The following KCNQ1 variants were observed in gnomAD, a reference collection of about 807,000 sequenced individuals.
The protein encoded by KCNQ1 is potassium voltage-gated channel subfamily KQT member 1.
A neutral mutation model predicts 72.4 loss-of-function variants in KCNQ1; 49 were observed. The observed-to-expected ratio is 0.68, with a 90% CI of 0.54 to 0.86. The LOEUF is 0.86. Among genes scored for constraint, KCNQ1 ranks in the 40% least tolerant of loss-of-function variants. The pLI, the probability that KCNQ1 is intolerant of heterozygous loss-of-function variation, is 0.00. For synonymous variants in KCNQ1, 450 were observed against 412.6 expected (o/e 1.09, Z -1.10); for missense variants, 790 against 945.1 (o/e 0.84, Z 2.15).
At position 2,777,218 on chromosome 11, in the gene KCNQ1, A is replaced by G. The variant is rs163148; in HGVS notation, c.1732+186A>G. Reference sequence around the variant, plus strand: ...CCTTAGCAAAGTGGCTCCAAAGTACATTTTACAAAGGAATATTCAGGTTTC... The same window carrying G: ...CCTTAGCAAAGTGGCTCCAAAGTACGTTTTACAAAGGAATATTCAGGTTTC... On this transcript the variant is annotated intron_variant, in intron 14 of 15. Transcript: ENST00000155840. Among the ~76,000 whole-genome samples, 152,007 of 152,312 alleles carry G rather than the reference A, an allele frequency of 1. 75,852 individuals carry two copies. Among genetic ancestry groups the G allele is most frequent in the Middle Eastern group, 1 (294 of 294 alleles).
chr11:2,663,661 T>C lies in KCNQ1; in HGVS notation c.1514+1580T>C. ...AAGTCCTACTGGGAGGAGAGGGCCA[T>C]CACCCACAGTCCATCTAGCTGGGCA... On this transcript the variant is annotated intron_variant, in intron 11 of 15. Transcript: ENST00000155840. The surrounding 1 kb of genome is among the most constrained non-coding windows in gnomAD (Gnocchi z 5.2). The C allele has an allele frequency of 2.5e-6, 1 of 398,670 alleles. No individual in the cohort carries two copies. Among genetic ancestry groups the C allele is most frequent in the African/African-American group, 2.1e-5 (1 of 48,758 alleles). 24.7% of individuals were successfully genotyped at this position (398,670 alleles called of 1,614,324 possible).
intron 11 of KCNQ1, chr11:2,666,672 C>G (rs1850074957): frequency 5.0e-6 from 2 of 398,582 alleles, no homozygotes; most frequent in East Asian, 3.6e-5. Flanking sequence ...TTTGATGGGA[C>G]CAGCTTGGCC....
rs1846464130 is a variant in KCNQ1 at position 2,471,700 on chromosome 11, GTA to G, written c.386+26219_386+26220del. Among the ~76,000 whole-genome samples, 1 of 151,754 alleles carries G rather than the reference GTA, an allele frequency of 6.6e-6. No homozygotes were observed. Among genetic ancestry groups the G allele is most frequent in the East Asian group, 1.9e-4 (1 of 5,154 alleles). ...CACATGTGTATGGGTGTGCATGTGT[GTA>G]TAGGTGTGTGTATGTGTGCATGGGC... On this transcript the variant is annotated intron_variant, in intron 1 of 15. Transcript: ENST00000155840. The surrounding 1 kb of genome is among the most constrained non-coding windows in gnomAD (Gnocchi z 4.8).
In KCNQ1 at chr11:2,803,175, C is replaced by T. The variant is rs976466827; in HGVS notation, c.1794+25138C>T. Among the ~76,000 whole-genome samples, 51 of 152,172 alleles carry T rather than the reference C, an allele frequency of 3.4e-4. No individual in the cohort carries two copies. The highest frequency in any genetic ancestry group is 1.2e-3 in the African/African-American group (51 of 41,490). On this transcript the variant is annotated intron_variant, in intron 15 of 15. Transcript: ENST00000155840. The surrounding 1 kb of genome is among the most constrained non-coding windows in gnomAD (Gnocchi z 6.4). ...CCGGGCCCCCCCCCCCACGGGCACC[C>T]AGGAACCGCCCTGGCTTTGCTGGAG... is the stretch of plus-strand genomic sequence containing the variant.
At chr11:2,731,517 C>A (rs1315301835) in intron 11 of KCNQ1, among the ~76,000 whole-genome samples, 1 of 152,256 alleles carries the variant, frequency 6.6e-6, no homozygotes, top group East Asian at 1.9e-4. Flanking sequence ...TCTCTCGGGA[C>A]AGGAGGTGCG....
At chr11:2,524,145 G>T (rs1847451673) in intron 1 of KCNQ1, among the ~76,000 whole-genome samples, 1 of 152,158 alleles carries the variant, frequency 6.6e-6, no homozygotes, top group Admixed American at 6.5e-5. Flanking sequence ...AGAGAAGCAG[G>T]AGGATCTGAG....
rs1168483852 is a variant in KCNQ1 at position 2,703,263 on chromosome 11, C to G, written c.1514+41182C>G. Among the ~76,000 whole-genome samples, 1 of 152,146 alleles carries G rather than the reference C, an allele frequency of 6.6e-6. No homozygotes were observed. The highest frequency in any genetic ancestry group is 1.5e-5 in the Non-Finnish European group (1 of 68,030). ...GAAATTTGGCGCCTGCACCTTGTCA[C>G]CTTCTTGGGACTCAAGGCTGCAGGG... On this transcript the variant is annotated intron_variant, in intron 11 of 15. Coordinates refer to ENST00000155840, the MANE Select transcript of KCNQ1 (RefSeq NM_000218.3). This position sits in a 1 kb window ranked among gnomAD's most constrained non-coding sequence, Gnocchi z 6.4.
intron 15 of KCNQ1, among the ~76,000 whole-genome samples, chr11:2,779,377 A>G (rs1413873614): frequency 6.6e-6 from 1 of 152,146 alleles, no homozygotes; most frequent in African/African-American, 2.4e-5. Context: ...TGTTGTTGGC[A>G]TGGCCAGGAG....
rs1486396168 is a variant in KCNQ1, at chr11:2,579,899, G to A, written c.922-3536G>A. ...GGTCTCGGGTGTCCTTACGCGAGCA[G>A]GTGGCTACCTCACCTGCTCACCTGA... is the stretch of plus-strand genomic sequence containing the variant. On this transcript the variant is annotated intron_variant, in intron 6 of 15. Coordinates refer to ENST00000155840, the MANE Select transcript of KCNQ1 (RefSeq NM_000218.3). This position sits in a 1 kb window ranked among gnomAD's most constrained non-coding sequence, Gnocchi z 6.0. Among the ~76,000 whole-genome samples the A allele has an allele frequency of 1.3e-5, 2 of 152,168 alleles. No individual in the cohort carries two copies. Among genetic ancestry groups the A allele is most frequent in the East Asian group, 3.9e-4 (2 of 5,180 alleles).
At position 2,766,226 on chromosome 11, in the gene KCNQ1, G is replaced by A. The variant is rs975967585; in HGVS notation, c.1515-2618G>A. On this transcript the variant is annotated intron_variant, in intron 11 of 15. Transcript: ENST00000155840. The surrounding 1 kb of genome is among the most constrained non-coding windows in gnomAD (Gnocchi z 4.4). ...CTTCATCTAAATATTCTGAAGCAAA[G>A]CACAATCATCTGTTAGCTCACAAAT... 6.6e-6 allele frequency among the ~76,000 whole-genome samples: 1 copy of A among 152,178 alleles called. No homozygotes were observed. Among genetic ancestry groups the A allele is most frequent in the Admixed American group, 6.5e-5 (1 of 15,276 alleles).
In KCNQ1 at chr11:2,808,313, G is replaced by A. The variant is rs538845009; in HGVS notation, c.1794+30276G>A. 3.0e-4 allele frequency among the ~76,000 whole-genome samples: 46 copies of A among 152,322 alleles called. No homozygotes were observed. The highest frequency in any genetic ancestry group is 1.1e-3 in the African/African-American group (44 of 41,574). On this transcript the variant is annotated intron_variant, in intron 15 of 15. Coordinates refer to ENST00000155840, the MANE Select transcript of KCNQ1 (RefSeq NM_000218.3). This position sits in a 1 kb window ranked among gnomAD's most constrained non-coding sequence, Gnocchi z 6.0. The stretch of plus-strand genomic sequence containing the variant: ...GTGTTACGGGGATGGGCTAGAACTC[G>A]GTCCTGGCATCACAGAGCTACCCCG...
In KCNQ1 at chr11:2,570,718, C is replaced by T. The variant is rs199473662; in HGVS notation, c.568C>T (p.Arg190Trp). ...CRSKYVGLWG[R>W]LRFARKPISI... ...CAGCAAGTACGTGGGCCTCTGGGGG[C>T]GGCTGCGCTTTGCCCGGAAGCCCAT... The change falls in exon 3 of 16, where the codon CGG becomes TGG. Residue 190 changes from arginine to tryptophan, a missense_variant. Arg to Trp is a moderately radical substitution (Grantham distance 101). Transcript: ENST00000155840. 6.2e-6 allele frequency: 10 copies of T among 1,612,078 alleles called. No homozygotes were observed. The highest frequency in any genetic ancestry group is 1.7e-5 in the Admixed American group (1 of 59,998).
intron 2 of KCNQ1, among the ~76,000 whole-genome samples, chr11:2,551,743 A>G (rs937314774): frequency 5.3e-5 from 8 of 152,334 alleles, no homozygotes; most frequent in Admixed American, 2.0e-4. Context: ...TCTGGCTCCT[A>G]TGGATTCTCA....
In KCNQ1 at chr11:2,748,066, T is replaced by C. The variant is rs1327485181; in HGVS notation, c.1515-20778T>C. Among the ~76,000 whole-genome samples the C allele has an allele frequency of 1.3e-5, 2 of 152,050 alleles. No homozygotes were observed. The highest frequency in any genetic ancestry group is 2.9e-5 in the Non-Finnish European group (2 of 67,998). ...TATCTGATTTTCAGAAAACCATGGC[T>C]CACCCACACTCTACCCTAGGAAAGG... is the stretch of plus-strand genomic sequence containing the variant. On this transcript the variant is annotated intron_variant, in intron 11 of 15. Coordinates refer to ENST00000155840, the MANE Select transcript of KCNQ1 (RefSeq NM_000218.3). The surrounding 1 kb of genome is among the most constrained non-coding windows in gnomAD (Gnocchi z 6.2).
At chr11:2,738,072 T>C (rs999028384) in intron 11 of KCNQ1, among the ~76,000 whole-genome samples, 1 of 152,082 alleles carries the variant, frequency 6.6e-6, no homozygotes, top group African/African-American at 2.4e-5. Flanking sequence ...CCTGGACTGC[T>C]GGCCCCAGGA....
chr11:2,825,411 C>T (rs906335036), intron 15 of KCNQ1, among the ~76,000 whole-genome samples: 3 of 152,218 alleles, frequency 2.0e-5, no homozygotes, highest in African/African-American at 7.2e-5. Context: ...CCAGGGGCCC[C>T]GGGTGCTGGA....
rs923660975 is a variant in KCNQ1, at chr11:2,498,995, C to A, written c.387-28933C>A. On this transcript the variant is annotated intron_variant, in intron 1 of 15. Transcript: ENST00000155840. This position sits in a 1 kb window ranked among gnomAD's most constrained non-coding sequence, Gnocchi z 4.8. ...GGGAGGGAGGTCTCCCGGCTCCTTG[C>A]ACTTCCCAGGTGAGGCGATGCCCCA... is the stretch of plus-strand genomic sequence containing the variant. Among the ~76,000 whole-genome samples, 7 of 152,282 alleles carry A rather than the reference C, an allele frequency of 4.6e-5. No homozygotes were observed. Among genetic ancestry groups the A allele is most frequent in the Non-Finnish European group, 8.8e-5 (6 of 68,032 alleles).
intron 15 of KCNQ1, chr11:2,839,979 A>T (rs1301995674): frequency 1.3e-5 from 2 of 152,234 alleles, no homozygotes; most frequent in African/African-American, 4.8e-5. Flanking sequence ...GAAGACGTGC[A>T]GGAACTTTGT....
chr11:2,662,138 T>A, intron 11 of KCNQ1, 57 bp downstream of exon 11: 1 of 1,609,884 alleles, frequency 6.2e-7, no homozygotes, highest in Non-Finnish European at 8.5e-7. Context: ...GCTCAAGGAG[T>A]CAGACTTGGT....
Sources: gnomAD v4.1 joint callset for allele counts (sites outside exome capture counted in the v4.1 genomes callset) on GRCh38, gnomAD v4.1.1 for gene constraint, Gnocchi (gnomAD v3.1) non-coding constraint, MANE v1.5 for transcripts, NCBI Gene and HGNC (gene_info 2026-07-23, HGNC 2026-07-21) for gene names.